FER: variants seen among roughly 807,000 people sequenced by gnomAD.
FER encodes tyrosine-protein kinase Fer.
A neutral mutation model predicts 111.0 loss-of-function variants in FER; 63 were observed. The ratio of observed to expected loss-of-function variants is 0.57; its 90% confidence interval spans 0.46 to 0.70. FER has a LOEUF of 0.70. FER is among the 30% of genes least tolerant of loss of function. The probability of loss-of-function intolerance (pLI) is 0.00; values close to 1 mark genes in which losing one functional copy is unlikely to be tolerated. For missense variants in FER, 914 were observed against 954.0 expected, an observed-to-expected ratio of 0.96 and a Z score of 0.55; for synonymous variants, 327 against 313.9, an observed-to-expected ratio of 1.04 and a Z score of -0.44.
At chr5:109,109,449 C>T (rs1329241783) in intron 17 of FER, among the ~76,000 whole-genome samples, 1 of 152,114 alleles carries the variant, frequency 6.6e-6, no homozygotes, top group African/African-American at 2.4e-5. Context: ...TTACTTAGTA[C>T]TCAATACAGA....
chr5:109,138,110 GC>G lies in FER; in HGVS notation c.2048+37592del, dbSNP rs1310278448. On this transcript the variant is annotated intron_variant, in intron 17 of 19. Transcript: ENST00000281092. The stretch of plus-strand genomic sequence containing the variant: ...TATAGGAGAGAATGCCATATGTAGG[GC>G]TGGAACAAAGCATGTACAGGAAAAG... 2.6e-5 allele frequency among the ~76,000 whole-genome samples: 4 copies of G among 152,154 alleles called. No individual in the cohort carries two copies. In the East Asian group the frequency reaches 7.7e-4, roughly 29 times the overall value.
At chr5:108,836,336 A>C (rs1760658378) in intron 5 of FER, among the ~76,000 whole-genome samples, 2 of 152,096 alleles carry the variant, frequency 1.3e-5, no homozygotes, top group African/African-American at 4.8e-5. Context: ...TTATGGTTAT[A>C]ATTTCTTATT....
chr5:108,890,837 C>A (rs1747933030), intron 9 of FER, among the ~76,000 whole-genome samples: 2 of 152,016 alleles, frequency 1.3e-5, no homozygotes, highest in Admixed American at 1.3e-4. Flanking sequence ...GGAGCTAGTA[C>A]AAATAAAGGT....
At chr5:108,882,853 T>C (rs1438349803) in intron 8 of FER, among the ~76,000 whole-genome samples, 1 of 151,822 alleles carries the variant, frequency 6.6e-6, no homozygotes, top group African/African-American at 2.4e-5. Context: ...TTAATTTATG[T>C]ATTAAATTGT....
At chr5:108,758,615 GA>G (rs907514165) in intron 1 of FER, among the ~76,000 whole-genome samples, 5 of 152,122 alleles carry the variant, frequency 3.3e-5, no homozygotes, top group African/African-American at 1.2e-4. Context: ...AAAGTTCCAG[GA>G]TTGTGTCTCG....
At chr5:108,828,012 A>G (rs1020779160) in intron 3 of FER, among the ~76,000 whole-genome samples, 4 of 151,710 alleles carry the variant, frequency 2.6e-5, no homozygotes, top group Admixed American at 6.6e-5. Context: ...AAATTTAAAA[A>G]CAAAGCTTTT....
At chr5:109,126,797 C>T (rs1331514612) in intron 17 of FER, among the ~76,000 whole-genome samples, 1 of 152,128 alleles carries the variant, frequency 6.6e-6, no homozygotes, top group Non-Finnish European at 1.5e-5. Context: ...TATACACTAG[C>T]TTTGATAAAT....
At chr5:108,796,824 C>T (rs1756080081) in intron 2 of FER, among the ~76,000 whole-genome samples, 2 of 152,056 alleles carry the variant, frequency 1.3e-5, no homozygotes, top group African/African-American at 4.8e-5. Flanking sequence ...GAGGCAAGGC[C>T]TGGAATTGGG....
chr5:109,083,958 A>G (rs1777278210), intron 16 of FER, among the ~76,000 whole-genome samples: 1 of 152,072 alleles, frequency 6.6e-6, no homozygotes, highest in African/African-American at 2.4e-5. Flanking sequence ...AAAAAATAAT[A>G]GGCTAGCTTA....
chr5:108,849,379 T>G (rs1429555995), intron 5 of FER, among the ~76,000 whole-genome samples: 1 of 152,144 alleles, frequency 6.6e-6, no homozygotes, highest in African/African-American at 2.4e-5. Flanking sequence ...GGTTAGTTTC[T>G]ATGACTATGT....
At chr5:109,109,039 C>A (rs780697261) in intron 17 of FER, among the ~76,000 whole-genome samples, 2 of 152,128 alleles carry the variant, frequency 1.3e-5, no homozygotes, top group African/African-American at 2.4e-5. Flanking sequence ...GGACTGTTTC[C>A]ATCCACATTG....
rs1480854849 is a variant in FER, at chr5:108,992,450, G to A, written c.1656+33103G>A. Among the ~76,000 whole-genome samples, 10 of 152,050 alleles carry A rather than the reference G, an allele frequency of 6.6e-5. No homozygotes were observed. The East Asian group carries it at 1.9e-3, about 30-fold the overall frequency. ...GGGCTCCTCACTTCCCAGTAGGGGC[G>A]GCAGGGCAGAGGCGCCCCTCACCTC... On this transcript the variant is annotated intron_variant, in intron 13 of 19. Transcript: ENST00000281092.
chr5:108,935,649 A>G (rs1755362139), intron 10 of FER, among the ~76,000 whole-genome samples: 1 of 152,012 alleles, frequency 6.6e-6, no homozygotes, highest in Non-Finnish European at 1.5e-5. Context: ...TGTGGGTGAA[A>G]TCTTTAACTT....
intron 10 of FER, among the ~76,000 whole-genome samples, chr5:108,908,136 G>T: frequency 6.6e-6 from 1 of 152,068 alleles, no homozygotes; most frequent in South Asian, 2.1e-4. Flanking sequence ...CGTTCGTTTT[G>T]TGTTAATTAA....
At chr5:109,028,816 C>T (rs1041022834) in intron 13 of FER, among the ~76,000 whole-genome samples, 3 of 152,166 alleles carry the variant, frequency 2.0e-5, no homozygotes, top group Admixed American at 6.6e-5. Flanking sequence ...CTACAAACTG[C>T]AAGGCCATGT....
intron 2 of FER, among the ~76,000 whole-genome samples, chr5:108,772,329 T>TAC (rs1753000944): frequency 6.7e-6 from 1 of 149,830 alleles, no homozygotes; most frequent in East Asian, 1.9e-4. Context: ...TGTATATATA[T>TAC]ATACACATAT....
chr5:108,807,754 T>C (rs1757351592), intron 3 of FER, among the ~76,000 whole-genome samples: 1 of 152,154 alleles, frequency 6.6e-6, no homozygotes, highest in Non-Finnish European at 1.5e-5. Context: ...TGGTGTTTAG[T>C]GCTATATACT....
At chr5:108,994,335 C>T (rs549395900) in intron 13 of FER, among the ~76,000 whole-genome samples, 6 of 152,166 alleles carry the variant, frequency 3.9e-5, no homozygotes, top group Non-Finnish European at 8.8e-5. Context: ...TATGGCTAGC[C>T]AGTTCTCCCA....
At chr5:108,894,005 A>C (rs887386469) in intron 9 of FER, among the ~76,000 whole-genome samples, 4 of 140,314 alleles carry the variant, frequency 2.9e-5, no homozygotes, top group African/African-American at 1.1e-4. Flanking sequence ...CATAAATTTT[A>C]TTCCTGATGT....
Sources: allele counts gnomAD v4.1 joint callset (sites outside exome capture counted in the v4.1 genomes callset), GRCh38; gene constraint gnomAD v4.1.1; transcripts MANE v1.5; gene names NCBI Gene and HGNC (gene_info 2026-07-23, HGNC 2026-07-21).